Variants in NUP214 observed in about 807,000 individuals in gnomAD.
The protein encoded by NUP214 is nuclear pore complex protein Nup214.
NUP214 carries 79 observed loss-of-function variants against 196.2 expected under a neutral mutation model. The ratio of observed to expected loss-of-function variants is 0.40; its 90% CI spans 0.34 to 0.49. The LOEUF is 0.49. Ranked by LOEUF, NUP214 falls within the 20% of genes least tolerant of loss-of-function variation. NUP214 has a pLI of 0.58. For missense variants in NUP214, 2,468 were observed against 2,539.0 expected (o/e 0.97, Z 0.60); for synonymous variants, 1,020 against 990.5 (o/e 1.03, Z -0.56).
chr9:131,221,991 A>C (rs1209646826), intron 31 of NUP214, among the ~76,000 whole-genome samples: 1 of 152,184 alleles, frequency 6.6e-6, no homozygotes, highest in Non-Finnish European at 1.5e-5. Context: ...AAAAATTCTC[A>C]GCCATCTTGG....
At position 131,139,269 on chromosome 9, in the gene NUP214, T is replaced by TTTTTTTTTTTG; in HGVS notation, c.1006-3_1006-2insTGTTTTTTTTT. 1 of 1,358,214 alleles carries TTTTTTTTTTTG rather than the reference T, an allele frequency of 7.4e-7. No individual in the cohort carries two copies. Among genetic ancestry groups the TTTTTTTTTTTG allele is most frequent in the South Asian group, 1.9e-5 (1 of 51,836 alleles). 84.1% of individuals were successfully genotyped at this position (1,358,214 alleles called of 1,614,324 possible). Reference sequence around the variant, plus strand: ...TTCTTCTTCTTCTTTTTTTTTTTTTTTTTTTTTTTAGATTAATTGGGAATC... The same window carrying TTTTTTTTTTTG: ...TTCTTCTTCTTCTTTTTTTTTTTTTTTTTTTTTTTTGTTTTTTTTTAGATTAATTGGGAATC... On this transcript the variant is annotated splice_polypyrimidine_tract_variant and intron_variant, in intron 9 of 35. Transcript: ENST00000359428.
intron 23 of NUP214, among the ~76,000 whole-genome samples, chr9:131,177,859 A>G (rs1833159615): frequency 6.6e-6 from 1 of 152,172 alleles, no homozygotes; most frequent in Non-Finnish European, 1.5e-5. Flanking sequence ...TCTTTAGAGA[A>G]GAAACTATAG....
At chr9:131,218,289 A>G (rs1039024980) in intron 31 of NUP214, among the ~76,000 whole-genome samples, 2 of 152,198 alleles carry the variant, frequency 1.3e-5, no homozygotes, top group Non-Finnish European at 2.9e-5. Flanking sequence ...AATTGTTTTA[A>G]CTCTGAGGGC....
At chr9:131,156,943 T>C (rs893124641) in intron 17 of NUP214, among the ~76,000 whole-genome samples, 3 of 152,218 alleles carry the variant, frequency 2.0e-5, no homozygotes, top group Admixed American at 6.5e-5. Flanking sequence ...TTTGTAGACA[T>C]ACTTAATTGA....
chr9:131,169,614 G>A (rs947234443), intron 21 of NUP214, among the ~76,000 whole-genome samples: 5 of 152,242 alleles, frequency 3.3e-5, no homozygotes, highest in African/African-American at 1.2e-4. Flanking sequence ...CACGTATAAA[G>A]AACATTTCAT....
chr9:131,227,111 C>T (rs1010053716), intron 32 of NUP214, among the ~76,000 whole-genome samples: 1 of 152,244 alleles, frequency 6.6e-6, no homozygotes, highest in Admixed American at 6.5e-5. Flanking sequence ...AAGACACTCA[C>T]TGAGTGTCTA....
At chr9:131,202,999 G>T (rs1833980308) in intron 30 of NUP214, among the ~76,000 whole-genome samples, 1 of 151,032 alleles carries the variant, frequency 6.6e-6, no homozygotes, top group Non-Finnish European at 1.5e-5. Context: ...AGGCCGGACT[G>T]CAGTGGTGCT....
intron 23 of NUP214, 121 bp from the exon 24 acceptor site, chr9:131,178,190 T>A: frequency 1.4e-6 from 1 of 694,594 alleles, no homozygotes; most frequent in Non-Finnish European, 2.5e-6. Flanking sequence ...GTAGATTTCC[T>A]TCACATGATA....
At position 131,129,403 on chromosome 9, in the gene NUP214, G is replaced by T. The variant is rs772023241; in HGVS notation, c.518G>T (p.Ser173Ile). 6.2e-7 allele frequency: 1 copy of T among 1,614,216 alleles called. No homozygotes were observed. ...GTGGCAGTTTGTCTGGCTGATGGTA[G>T]TATTGCTGTCCTGCAAGTCACGGAA... ...SMVAVCLADG[S>I]IAVLQVTETV... Residue 173 changes from serine (S) to isoleucine (I), a missense_variant, in exon 4 of 36, where the codon AGT becomes ATT. By Grantham distance (142) the Ser-to-Ile change is moderately radical. Coordinates refer to ENST00000359428, the MANE Select transcript of NUP214 (RefSeq NM_005085.4).
At chr9:131,221,900 A>T (rs1257256616) in intron 31 of NUP214, among the ~76,000 whole-genome samples, 1 of 151,352 alleles carries the variant, frequency 6.6e-6, no homozygotes, top group African/African-American at 2.4e-5. Context: ...ATATTATCTG[A>T]GTGACAGCTG....
intron 31 of NUP214, chr9:131,222,432 C>T: frequency 5.2e-6 from 1 of 193,542 alleles, no homozygotes; most frequent in Non-Finnish European, 1.0e-5. Flanking sequence ...GGGCAGAGCC[C>T]ATGGCCTCCA....
rs1441864532 is a variant in NUP214, at chr9:131,222,833, CTCG to C, written c.5810_5812del (p.Ser1937del). ...CCAAGACATTTGGTGGATTTGCCAG[CTCG>C]TCGTTTGGAGAGCAGAAACCCACTG... On this transcript the variant is annotated inframe_deletion, in exon 32 of 36. Transcript: ENST00000359428. 5 of 1,614,222 alleles carry C rather than the reference CTCG, an allele frequency of 3.1e-6. No homozygotes were observed. The South Asian group carries it at 3.3e-5, about 11-fold the overall frequency.
At chr9:131,153,023 G>GT (rs1416349211) in intron 17 of NUP214, 3 of 152,016 alleles carry the variant, frequency 2.0e-5, no homozygotes, top group African/African-American at 7.3e-5. Flanking sequence ...TCACCCTCCT[G>GT]TCTTTGTAAT....
chr9:131,125,873 G>T lies in NUP214; in HGVS notation c.45+124G>T. 1 of 1,120,720 alleles carries T rather than the reference G, an allele frequency of 8.9e-7. No individual in the cohort carries two copies. Among genetic ancestry groups the T allele is most frequent in the Non-Finnish European group, 1.3e-6 (1 of 784,796 alleles). The allele number at this position is 1,120,720 out of a possible 1,614,324, so 69.4% of individuals were successfully genotyped here. A position where few individuals can be genotyped will look rare whatever the true frequency, so the allele number is the denominator to read the frequency against. ...GCTTGAACAGTTTACCGCGTTCACAGCTCTCACCAGCGCGTCTGCCGCGCC... is the reference window on the plus strand; with the variant it reads ...GCTTGAACAGTTTACCGCGTTCACATCTCTCACCAGCGCGTCTGCCGCGCC... On this transcript the variant is annotated intron_variant, in intron 1 of 35. Coordinates refer to ENST00000359428, the MANE Select transcript of NUP214 (RefSeq NM_005085.4). The surrounding 1 kb of genome is among the most constrained non-coding windows in gnomAD (Gnocchi z 4.1).
chr9:131,130,937 T>C (rs1831526991), intron 5 of NUP214, 101 bp downstream of exon 5: 2 of 845,242 alleles, frequency 2.4e-6, no homozygotes, highest in South Asian at 1.5e-5. Flanking sequence ...AAAAGTAATT[T>C]ATACTCATTG....
Position 131,146,323 on chromosome 9 carries a change from A to G in NUP214, c.1945+19A>G. 6.2e-7 allele frequency: 1 copy of G among 1,611,738 alleles called. No homozygotes were observed. Among genetic ancestry groups the G allele is most frequent in the Non-Finnish European group, 8.5e-7 (1 of 1,177,900 alleles). On this transcript the variant is annotated intron_variant, in intron 13 of 35. Transcript: ENST00000359428. The surrounding 1 kb of genome is among the most constrained non-coding windows in gnomAD (Gnocchi z 4.6). ...CCATCAGGTATGATTTTAAGCAGAC[A>G]ACTTTAGACCTCAGCCCTGCCTTCT...
rs1834960159 is a variant in NUP214, at chr9:131,234,493, C to G, written c.*1006C>G. On this transcript the variant is annotated 3_prime_UTR_variant, in exon 36 of 36. Coordinates refer to ENST00000359428, the MANE Select transcript of NUP214 (RefSeq NM_005085.4). ...ATAGTTGCCATCAAACAAGGACCGTCTCGCATTGAAAACAGATGTAAGAAT... is the reference window on the plus strand; with the variant it reads ...ATAGTTGCCATCAAACAAGGACCGTGTCGCATTGAAAACAGATGTAAGAAT... 4.3e-6 allele frequency: 1 copy of G among 232,100 alleles called. No homozygotes were observed. The highest frequency in any genetic ancestry group is 8.5e-6 in the Non-Finnish European group (1 of 117,342). 14.4% of individuals were successfully genotyped at this position (232,100 alleles called of 1,614,324 possible). A position where few individuals can be genotyped will look rare whatever the true frequency, so the allele number is the denominator to read the frequency against.
At chr9:131,216,399 TA>T in intron 31 of NUP214, among the ~76,000 whole-genome samples, 1 of 150,854 alleles carries the variant, frequency 6.6e-6, no homozygotes, top group Non-Finnish European at 1.5e-5. Context: ...TAATTTTTTA[TA>T]TTTTTTTTAG....
Position 131,198,861 on chromosome 9 carries a change from T to C in NUP214, c.5367T>C (p.Ser1789=), listed in dbSNP as rs750584797. Residue 1789 remains serine, a synonymous_variant, in exon 29 of 36, where the codon TCT becomes TCC. Coordinates refer to ENST00000359428, the MANE Select transcript of NUP214 (RefSeq NM_005085.4). ...CCAGTTCCTTCTCATTTGGACAGTC[T>C]TCTCCCAACACAGGAGGGGGGCTGT... The part of the protein sequence containing the change: ...SSSSSFSFGQ[S]SPNTGGGLFG... 14 of 1,614,062 alleles carry C rather than the reference T, an allele frequency of 8.7e-6. No individual in the cohort carries two copies. Among genetic ancestry groups the C allele is most frequent in the African/African-American group, 1.3e-5 (1 of 74,918 alleles).
Sources: allele counts gnomAD v4.1 joint callset (sites outside exome capture counted in the v4.1 genomes callset), GRCh38; gene constraint gnomAD v4.1.1; non-coding constraint Gnocchi (gnomAD v3.1); transcripts MANE v1.5; gene names NCBI Gene and HGNC (gene_info 2026-07-23, HGNC 2026-07-21).